Variants in RAI2 observed in about 807,000 individuals in gnomAD.
The protein encoded by RAI2 is retinoic acid-induced protein 2.
Under a neutral mutation model 15.3 loss-of-function variants are expected in RAI2, and 5 were observed. That is an observed-to-expected ratio of 0.33 (90% confidence interval 0.17 to 0.69). RAI2 has a LOEUF of 0.69. Among genes scored for constraint, RAI2 ranks in the 30% least tolerant of loss-of-function variants. The pLI is 0.69. For missense variants in RAI2, 424 were observed against 424.7 expected (o/e 1.00, Z 0.01); for synonymous variants, 191 against 184.0 (o/e 1.04, Z -0.31).
chrX:17,831,368 AAAAAAAC>A (rs1048980602), intron 1 of RAI2, among the ~76,000 whole-genome samples: 23 of 111,740 alleles, frequency 2.1e-4, no homozygotes, highest in East Asian at 8.4e-4. Flanking sequence ...GCTTTTTTTT[AAAAAAAC>A]AAAAAACAAA....
chrX:17,802,309 AT>A (rs779776877), intron 1 of RAI2, among the ~76,000 whole-genome samples: 1,228 of 112,399 alleles, frequency 0.011, 6 homozygotes, highest in Middle Eastern at 0.032. Context: ...TAAACCAGGC[AT>A]TTTTTAAGCC....
intron 1 of RAI2, among the ~76,000 whole-genome samples, chrX:17,857,373 C>A (rs1243271889): frequency 9.0e-6 from 1 of 111,721 alleles, no homozygotes; most frequent in African/African-American, 3.3e-5. Context: ...AAGGGGGCTA[C>A]GGGGCTTGCT....
intron 1 of RAI2, among the ~76,000 whole-genome samples, chrX:17,820,643 A>G (rs1002627896): frequency 8.1e-5 from 9 of 111,797 alleles, no homozygotes; most frequent in Non-Finnish European, 1.7e-4. Context: ...GCCTGCACAC[A>G]TATCCTGGTT....
intron 1 of RAI2, among the ~76,000 whole-genome samples, chrX:17,823,367 A>T (rs774282633): frequency 5.1e-4 from 57 of 112,453 alleles, no homozygotes; most frequent in South Asian, 1.5e-3. Context: ...TATATTTGAA[A>T]CTATAAATAA....
In RAI2 at chrX:17,800,872, C is replaced by G. The variant is rs775603824; in HGVS notation, c.1139G>C (p.Ser380Thr). The change falls in exon 2 of 2, where the codon AGT becomes ACT. Residue 380 changes from serine (S) to threonine (T), a missense_variant. Coordinates refer to ENST00000451717, the MANE Select transcript of RAI2 (RefSeq NM_021785.6). ...AGGGGCAAAAGAAATTTCCATGCCA[C>G]TGGGAAGTTTCTCCATCACTGTGTG... ...SGHTVMEKLP[S>T]GMEISFAPAT... is the part of the protein sequence containing the mutation. 10 of 1,211,628 alleles carry G rather than the reference C, an allele frequency of 8.3e-6. No individual in the cohort carries two copies. The highest frequency in any genetic ancestry group is 1.1e-5 in the Non-Finnish European group (10 of 895,460).
chrX:17,806,579 G>A (rs928152173), intron 1 of RAI2, among the ~76,000 whole-genome samples: 1 of 110,643 alleles, frequency 9.0e-6, no homozygotes, highest in African/African-American at 3.3e-5. Flanking sequence ...TGTGCCCCCT[G>A]TATGGAGACA....
intron 1 of RAI2, among the ~76,000 whole-genome samples, chrX:17,808,321 C>G (rs1259149726): frequency 9.0e-6 from 1 of 110,513 alleles, no homozygotes; most frequent in African/African-American, 3.3e-5. Flanking sequence ...GCCTTCCAAA[C>G]AGGGCCCCAG....
chrX:17,821,759 C>T (rs1189810848), intron 1 of RAI2, among the ~76,000 whole-genome samples: 1 of 111,510 alleles, frequency 9.0e-6, no homozygotes, highest in Non-Finnish European at 1.9e-5. Flanking sequence ...GTGACTTGGC[C>T]TAGGCCACGC....
chrX:17,843,326 T>C (rs1434807466), intron 1 of RAI2, among the ~76,000 whole-genome samples: 2 of 111,502 alleles, frequency 1.8e-5, no homozygotes, highest in Non-Finnish European at 3.8e-5. Flanking sequence ...GGAAAATCTG[T>C]AAAACCCAGT....
At chrX:17,804,112 A>G (rs141156347) in intron 1 of RAI2, among the ~76,000 whole-genome samples, 2 of 110,760 alleles carry the variant, frequency 1.8e-5, no homozygotes, top group East Asian at 5.7e-4. Context: ...GGTGCACACC[A>G]CCATGCCCAG....
At chrX:17,814,592 A>C (rs748985905) in intron 1 of RAI2, among the ~76,000 whole-genome samples, 1 of 108,356 alleles carries the variant, frequency 9.2e-6, no homozygotes, top group African/African-American at 3.4e-5. Flanking sequence ...TGAAGAAGAC[A>C]CTCCTTTATA....
At chrX:17,821,247 C>T (rs771698109) in intron 1 of RAI2, among the ~76,000 whole-genome samples, 18 of 111,195 alleles carry the variant, frequency 1.6e-4, no homozygotes, top group Non-Finnish European at 3.0e-4. Flanking sequence ...GTGAACTGTC[C>T]CCCGACTCAA....
intron 1 of RAI2, among the ~76,000 whole-genome samples, chrX:17,855,580 T>G (rs1440506134): frequency 1.8e-5 from 2 of 111,674 alleles, no homozygotes; most frequent in Non-Finnish European, 3.8e-5. Flanking sequence ...CAAAATCGCT[T>G]GATGCCAGGC....
intron 1 of RAI2, among the ~76,000 whole-genome samples, chrX:17,853,979 A>C (rs779570695): frequency 2.6e-4 from 29 of 112,335 alleles, no homozygotes; most frequent in Non-Finnish European, 4.1e-4. Flanking sequence ...TTTTAAAAAA[A>C]CTAAAACAAG....
chrX:17,827,783 C>T (rs934006562), intron 1 of RAI2, among the ~76,000 whole-genome samples: 7 of 111,811 alleles, frequency 6.3e-5, no homozygotes, highest in African/African-American at 9.8e-5. Context: ...TTTAAGAGAT[C>T]GCTGGGTTAA....
chrX:17,836,971 G>A (rs1230224115), intron 1 of RAI2, among the ~76,000 whole-genome samples: 2 of 112,150 alleles, frequency 1.8e-5, no homozygotes, highest in Admixed American at 9.4e-5. Flanking sequence ...AGTCCCACTG[G>A]GAGTTAACCT....
At chrX:17,821,767 CG>C (rs1205186119) in intron 1 of RAI2, among the ~76,000 whole-genome samples, 1 of 111,495 alleles carries the variant, frequency 9.0e-6, no homozygotes, top group African/African-American at 3.3e-5. Context: ...GCCTAGGCCA[CG>C]CATCTAGGTA....
In RAI2 at chrX:17,801,535, G is replaced by A. The variant is rs774067039; in HGVS notation, c.476C>T (p.Ala159Val). Reference sequence around the variant, plus strand: ...CTGGGGCTGGGCCTCGGGGTCCTCCGCTCCCTGGAAGAGGTTGTTGTGGAT... The same window carrying A: ...CTGGGGCTGGGCCTCGGGGTCCTCCACTCCCTGGAAGAGGTTGTTGTGGAT... ...STIHNNLFQG[A>V]EDPEAQPQLL... Residue 159 changes from alanine (A) to valine (V), a missense_variant, in exon 2 of 2, where the codon GCG becomes GTG. Physicochemically the swap from Ala to Val is moderately conservative, Grantham distance 64. Coordinates refer to ENST00000451717, the MANE Select transcript of RAI2 (RefSeq NM_021785.6). 131 of 1,201,288 alleles carry A rather than the reference G, an allele frequency of 1.1e-4. No individual in the cohort carries two copies. The highest frequency in any genetic ancestry group is 1.1e-4 in the Admixed American group (5 of 45,339).
At chrX:17,860,699 T>G (rs1288454175) in intron 1 of RAI2, 1 of 111,540 alleles carries the variant, frequency 9.0e-6, no homozygotes, top group Non-Finnish European at 1.9e-5. Flanking sequence ...GACTGCCCGG[T>G]GCGGTGCCTG....
Sources: allele counts gnomAD v4.1 joint callset (sites outside exome capture counted in the v4.1 genomes callset), GRCh38; gene constraint gnomAD v4.1.1; transcripts MANE v1.5; gene names NCBI Gene and HGNC (gene_info 2026-07-23, HGNC 2026-07-21).